USO1: variants seen among roughly 807,000 people sequenced by gnomAD.
USO1 encodes the protein USO1 vesicle transport factor, also known as general vesicular transport factor p115.
A neutral mutation model predicts 124.5 loss-of-function variants in USO1; 57 were observed. The ratio of observed to expected loss-of-function variants is 0.46; its 90% CI spans 0.37 to 0.57. USO1 has a LOEUF of 0.57. USO1 is among the 20% of genes least tolerant of loss of function. The pLI, the probability that USO1 is intolerant of heterozygous loss-of-function variation, is 0.00. For missense variants in USO1, 900 were observed against 1,040.6 expected (o/e 0.86, Z 1.86); for synonymous variants, 369 against 362.8 (o/e 1.02, Z -0.19).
intron 13 of USO1, among the ~76,000 whole-genome samples, chr4:75,797,658 T>C (rs558102396): frequency 2.0e-5 from 3 of 152,152 alleles, no homozygotes; most frequent in African/African-American, 7.2e-5. Context: ...ATTATTTTTT[T>C]TGAAATGGAG....
rs1723120653 is a variant in USO1, at chr4:75,810,622, G to C, written c.2583+83G>C. ...ATTTTATATATCTTTCAAATTCTTA[G>C]ATTTATGAAGAAAGCTAATGATGTG... On this transcript the variant is annotated intron_variant, in intron 22 of 23. Transcript: ENST00000514213. The C allele has an allele frequency of 5.1e-6, 7 of 1,376,556 alleles. No homozygotes were observed. The South Asian group carries it at 1.2e-4, about 23-fold the overall frequency. The allele number at this position is 1,376,556 out of a possible 1,614,324, so 85.3% of individuals were successfully genotyped here.
rs371079964 is a variant in USO1, at chr4:75,755,342, T to C, written c.219-2155T>C. 3.0e-5 allele frequency: 13 copies of C among 438,306 alleles called. No homozygotes were observed. In the East Asian group the frequency reaches 4.6e-4, roughly 16 times the overall value. 27.2% of individuals were successfully genotyped at this position (438,306 alleles called of 1,614,324 possible). ...CAATCGTCATCTCCAAAGTATTATT[T>C]TCCTCCAGTCTCTTTGTATTTCCAT... On this transcript the variant is annotated intron_variant, in intron 3 of 23. Transcript: ENST00000514213.
intron 7 of USO1, among the ~76,000 whole-genome samples, chr4:75,771,739 C>T (rs145520697): frequency 1.3e-5 from 2 of 152,266 alleles, no homozygotes; most frequent in African/African-American, 4.8e-5. Context: ...GACTTATTTT[C>T]CATTCCGATT....
intron 1 of USO1, among the ~76,000 whole-genome samples, chr4:75,727,716 T>C (rs764533621): frequency 1.1e-4 from 17 of 152,210 alleles, no homozygotes; most frequent in Non-Finnish European, 1.9e-4. Flanking sequence ...GTTTTTTCCA[T>C]TTCTGCAAAA....
chr4:75,787,038 TTTTG>T lies in USO1; in HGVS notation c.856-20_856-17del, dbSNP rs1722381445. The T allele has an allele frequency of 6.4e-7, 1 of 1,556,978 alleles. No homozygotes were observed. The highest frequency in any genetic ancestry group is 1.4e-5 in the African/African-American group (1 of 71,652). ...CCTTTTCAAATCTTTAAAAGACAAA[TTTTG>T]TTTTCTCTTTCTTTCACAGCTTGTT... On this transcript the variant is annotated intron_variant, in intron 9 of 23. Transcript: ENST00000514213.
rs1340702011 is a variant in USO1, at chr4:75,757,173, TATC to T, written c.219-321_219-319del. Among the ~76,000 whole-genome samples, 9 of 152,216 alleles carry T rather than the reference TATC, an allele frequency of 5.9e-5. 1 individual carries two copies. Among genetic ancestry groups the T allele is most frequent in the South Asian group, 4.1e-4 (2 of 4,834 alleles). Reference sequence around the variant, plus strand: ...CTATTATATCAAGAATTTTTAAAATTATCATGTCACTAAATATTCTTCGGAAAT... The same window carrying T: ...CTATTATATCAAGAATTTTTAAAATTATGTCACTAAATATTCTTCGGAAAT... On this transcript the variant is annotated intron_variant, in intron 3 of 23. Coordinates refer to ENST00000514213, the MANE Select transcript of USO1 (RefSeq NM_003715.4).
At chr4:75,809,469 C>T (rs1723084858) in intron 21 of USO1, among the ~76,000 whole-genome samples, 1 of 152,128 alleles carries the variant, frequency 6.6e-6, no homozygotes, top group Non-Finnish European at 1.5e-5. Context: ...ATTTATCTCT[C>T]TTCTCTCACA....
intron 3 of USO1, among the ~76,000 whole-genome samples, 171 bp from the exon 4 acceptor site, chr4:75,757,325 AT>A (rs1260412577): frequency 6.6e-6 from 1 of 152,076 alleles, no homozygotes; most frequent in Non-Finnish European, 1.5e-5. Context: ...TTGCTTCTAA[AT>A]TTTCACAATT....
intron 1 of USO1, among the ~76,000 whole-genome samples, chr4:75,737,078 T>C (rs188956092): frequency 5.4e-4 from 83 of 152,300 alleles, no homozygotes; most frequent in African/African-American, 7.7e-4. Flanking sequence ...CAGCCAGTTA[T>C]TGCCTCATGA....
In USO1 at chr4:75,757,526, T is replaced by C; in HGVS notation, c.248T>C (p.Leu83Ser). The C allele has an allele frequency of 6.6e-7, 1 of 1,516,596 alleles. No homozygotes were observed. The highest frequency in any genetic ancestry group is 2.5e-5 in the East Asian group (1 of 39,798). 93.9% of individuals were successfully genotyped at this position (1,516,596 alleles called of 1,614,324 possible). The change falls in exon 4 of 24, where the codon TTG becomes TCG. Residue 83 changes from leucine to serine, a missense_variant. By Grantham distance (145) the Leu-to-Ser change is moderately radical. Coordinates refer to ENST00000514213, the MANE Select transcript of USO1 (RefSeq NM_003715.4). The part of the protein sequence containing the change: ...RSDSEIIGYA[L>S]DTLYNIISNE... ...GATTCTGAAATAATAGGTTATGCTT[T>C]GGACACACTATATAATATAATATCT...
intron 1 of USO1, among the ~76,000 whole-genome samples, chr4:75,732,185 G>T (rs574336657): frequency 1.2e-4 from 18 of 151,910 alleles, no homozygotes; most frequent in African/African-American, 4.1e-4. Context: ...GTTGTCCCCA[G>T]TGTTGACTGC....
intron 1 of USO1, among the ~76,000 whole-genome samples, chr4:75,740,954 A>G (rs137894052): frequency 6.6e-6 from 1 of 152,316 alleles, no homozygotes; most frequent in Non-Finnish European, 1.5e-5. Flanking sequence ...ATTTACACAA[A>G]TGAGTTTCTT....
chr4:75,767,728 T>C (rs1721807128), intron 4 of USO1, among the ~76,000 whole-genome samples: 1 of 152,254 alleles, frequency 6.6e-6, no homozygotes, highest in South Asian at 2.1e-4. Flanking sequence ...TATTGATCTA[T>C]GCATGGTACA....
intron 1 of USO1, among the ~76,000 whole-genome samples, chr4:75,748,211 C>CTTTTT (rs71208096): frequency 1.6e-5 from 2 of 124,142 alleles, no homozygotes; most frequent in African/African-American, 3.1e-5. Flanking sequence ...GCTGGTATTT[C>CTTTTT]TTTTTTTTTT....
chr4:75,771,245 A>T, intron 7 of USO1, 108 bp downstream of exon 7: 1 of 1,275,438 alleles, frequency 7.8e-7, no homozygotes, highest in African/African-American at 1.5e-5. Context: ...AAGCTGGAGT[A>T]ATGACCTTTT....
intron 4 of USO1, among the ~76,000 whole-genome samples, chr4:75,759,089 A>T (rs1721522360): frequency 1.3e-5 from 2 of 151,850 alleles, no homozygotes; most frequent in African/African-American, 4.8e-5. Context: ...AATGTGTAGC[A>T]ACAATATTTT....
intron 8 of USO1, among the ~76,000 whole-genome samples, chr4:75,779,104 G>A (rs1473576091): frequency 6.6e-6 from 1 of 152,152 alleles, no homozygotes; most frequent in Non-Finnish European, 1.5e-5. Flanking sequence ...ACCACAAACA[G>A]TGCCCATATA....
intron 1 of USO1, among the ~76,000 whole-genome samples, chr4:75,726,338 A>G (rs1720458375): frequency 6.7e-6 from 1 of 150,028 alleles, no homozygotes; most frequent in South Asian, 2.1e-4. Context: ...CACTGCTAAT[A>G]ATAGAGCCAG....
intron 8 of USO1, among the ~76,000 whole-genome samples, chr4:75,775,551 A>G (rs1321999561): frequency 6.6e-6 from 1 of 152,142 alleles, no homozygotes; most frequent in Non-Finnish European, 1.5e-5. Flanking sequence ...AAAAATAAAA[A>G]GGGGGATAAG....
Sources: allele counts gnomAD v4.1 joint callset (sites outside exome capture counted in the v4.1 genomes callset), GRCh38; gene constraint gnomAD v4.1.1; transcripts MANE v1.5; gene names NCBI Gene and HGNC (gene_info 2026-07-23, HGNC 2026-07-21).